NKAIN2: variants seen among roughly 807,000 people sequenced by gnomAD.
NKAIN2 encodes sodium/potassium-transporting ATPase subunit beta-1-interacting protein 2.
In NKAIN2, 14 loss-of-function variants were observed where a neutral mutation model predicts 32.6. The ratio of observed to expected loss-of-function variants is 0.43; its 90% CI spans 0.28 to 0.67. The LOEUF (loss-of-function observed/expected upper bound fraction) is 0.67, where lower values mean the gene tolerates loss of function less well. Among genes scored for constraint, NKAIN2 ranks in the 30% least tolerant of loss-of-function variants. The probability of loss-of-function intolerance (pLI) is 0.17; values close to 1 mark genes in which losing one functional copy is unlikely to be tolerated. For synonymous variants in NKAIN2, 80 were observed against 87.2 expected (o/e 0.92, Z 0.46); for missense variants, 198 against 258.3 (o/e 0.77, Z 1.60).
chr6:124,174,901 C>T (rs1358492072), intron 1 of NKAIN2, among the ~76,000 whole-genome samples: 2 of 152,112 alleles, frequency 1.3e-5, no homozygotes, highest in Non-Finnish European at 2.9e-5. Flanking sequence ...GTCCCTCTAG[C>T]TCCTTTTTGA....
intron 4 of NKAIN2, among the ~76,000 whole-genome samples, chr6:124,715,432 G>C (rs764092706): frequency 2.0e-5 from 3 of 152,144 alleles, no homozygotes; most frequent in Non-Finnish European, 4.4e-5. Flanking sequence ...TGTGGGGCTA[G>C]AACTAGACTT....
At chr6:124,219,049 A>C (rs910553524) in intron 1 of NKAIN2, among the ~76,000 whole-genome samples, 1 of 152,030 alleles carries the variant, frequency 6.6e-6, no homozygotes, top group Middle Eastern at 3.2e-3. Context: ...GACCACCTCC[A>C]TGATGCAATC....
chr6:123,864,979 G>A (rs1216872358), intron 1 of NKAIN2, among the ~76,000 whole-genome samples: 2 of 152,048 alleles, frequency 1.3e-5, no homozygotes, highest in Non-Finnish European at 2.9e-5. Context: ...ATAGTCATCT[G>A]TGCTCCAAGA....
In NKAIN2 at chr6:123,964,184, TTTTC is replaced by T. The variant is rs1777977269; in HGVS notation, c.54+159934_54+159937del. 6.6e-6 allele frequency among the ~76,000 whole-genome samples: 1 copy of T among 152,158 alleles called. No homozygotes were observed. The highest frequency in any genetic ancestry group is 2.1e-4 in the South Asian group (1 of 4,830). ...GTAGAAATTACCTACATCAATTTTGTTTTCTTTATTTATTTCAAGACTATCTCTC... is the reference window on the plus strand; with the variant it reads ...GTAGAAATTACCTACATCAATTTTGTTTTATTTATTTCAAGACTATCTCTC... On this transcript the variant is annotated intron_variant, in intron 1 of 6. Transcript: ENST00000368417. This position sits in a 1 kb window ranked among gnomAD's most constrained non-coding sequence, Gnocchi z 4.0.
chr6:124,221,861 G>A (rs1791848712), intron 1 of NKAIN2, among the ~76,000 whole-genome samples: 3 of 152,146 alleles, frequency 2.0e-5, no homozygotes, highest in African/African-American at 7.2e-5. Flanking sequence ...TTCAGAGTTA[G>A]GAAGAATGAG....
intron 1 of NKAIN2, among the ~76,000 whole-genome samples, chr6:123,824,287 A>G (rs1444853156): frequency 6.6e-6 from 1 of 152,114 alleles, no homozygotes; most frequent in Non-Finnish European, 1.5e-5. Flanking sequence ...TTTCACTGAA[A>G]CTGCCTTATT....
At chr6:124,678,278 T>C (rs988431877) in intron 4 of NKAIN2, among the ~76,000 whole-genome samples, 2 of 152,184 alleles carry the variant, frequency 1.3e-5, no homozygotes, top group African/African-American at 4.8e-5. Flanking sequence ...TTGGGGGCAC[T>C]ATTTTTTCAA....
At chr6:124,184,830 A>G (rs1442484143) in intron 1 of NKAIN2, among the ~76,000 whole-genome samples, 4 of 152,144 alleles carry the variant, frequency 2.6e-5, no homozygotes, top group Non-Finnish European at 5.9e-5. Context: ...TTACATGATC[A>G]TCTTGCATTT....
chr6:124,086,549 G>A lies in NKAIN2; in HGVS notation c.55-196456G>A, dbSNP rs1045482167. 5.3e-5 allele frequency among the ~76,000 whole-genome samples: 8 copies of A among 151,878 alleles called. No homozygotes were observed. In the South Asian group the frequency reaches 8.3e-4, roughly 16 times the overall value. ...GTTTGTAGACAGTAACTATTACCAA[G>A]TGTGTAACACAGTTTAAACTCAAAA... is the stretch of plus-strand genomic sequence containing the variant. On this transcript the variant is annotated intron_variant, in intron 1 of 6. Transcript: ENST00000368417.
At chr6:124,808,643 A>G (rs945755770) in intron 5 of NKAIN2, among the ~76,000 whole-genome samples, 6 of 152,218 alleles carry the variant, frequency 3.9e-5, no homozygotes, top group African/African-American at 9.6e-5. Flanking sequence ...GGGCAATTAG[A>G]CAGGAGAAGG....
chr6:123,843,243 C>G (rs1406815405), intron 1 of NKAIN2, among the ~76,000 whole-genome samples: 1 of 152,156 alleles, frequency 6.6e-6, no homozygotes, highest in African/African-American at 2.4e-5. Flanking sequence ...CAGGAAGAAT[C>G]AGGTCACACA....
chr6:124,064,916 C>G (rs1488685046), intron 1 of NKAIN2, among the ~76,000 whole-genome samples: 1 of 152,082 alleles, frequency 6.6e-6, no homozygotes, highest in African/African-American at 2.4e-5. Context: ...CTGGTTTCAA[C>G]CAATTAGTTG....
In NKAIN2 at chr6:124,598,778, A is replaced by G. The variant is rs73573322; in HGVS notation, c.274-59408A>G. Among the ~76,000 whole-genome samples the G allele has an allele frequency of 2.4e-3, 365 of 152,248 alleles. 1 individual carries two copies. The highest frequency in any genetic ancestry group is 8.4e-3 in the African/African-American group (349 of 41,550). On this transcript the variant is annotated intron_variant, in intron 3 of 6. Coordinates refer to ENST00000368417, the MANE Select transcript of NKAIN2 (RefSeq NM_001040214.3). ...AACTTCACAAGTTGATTATTAACAA[A>G]GCCATGGTTGGAACATAGCCTCCTA...
At chr6:123,938,435 TATATATATATATATATACAC>T (rs1457346603) in intron 1 of NKAIN2, among the ~76,000 whole-genome samples, 4 of 46,256 alleles carry the variant, frequency 8.6e-5, no homozygotes, top group Non-Finnish European at 1.5e-4. Context: ...TATATATATA[TATATATATATATATATACAC>T]ACACACACAC....
rs550330189 is a variant in NKAIN2 at position 124,108,999 on chromosome 6, T to C, written c.55-174006T>C. On this transcript the variant is annotated intron_variant, in intron 1 of 6. Coordinates refer to ENST00000368417, the MANE Select transcript of NKAIN2 (RefSeq NM_001040214.3). ...TATTTTGAAGTCTGAGGCCTCAAAA[T>C]TTATTTTTCTTTCTCAGGATTGATT... 1.8e-4 allele frequency among the ~76,000 whole-genome samples: 28 copies of C among 152,130 alleles called. No homozygotes were observed. In the East Asian group the frequency reaches 5.2e-3, roughly 28 times the overall value.
intron 4 of NKAIN2, among the ~76,000 whole-genome samples, chr6:124,768,621 G>A (rs982961562): frequency 5.3e-5 from 8 of 152,002 alleles, no homozygotes; most frequent in Non-Finnish European, 1.2e-4. Context: ...GCTACAAACA[G>A]ACATCAGTCA....
intron 3 of NKAIN2, among the ~76,000 whole-genome samples, chr6:124,448,286 C>T (rs1420995264): frequency 6.6e-6 from 1 of 152,098 alleles, no homozygotes; most frequent in Non-Finnish European, 1.5e-5. Context: ...TTTATCGTGG[C>T]ATGACCCTCA....
intron 3 of NKAIN2, among the ~76,000 whole-genome samples, chr6:124,607,231 A>G (rs984940668): frequency 2.0e-5 from 3 of 152,182 alleles, no homozygotes; most frequent in African/African-American, 7.2e-5. Context: ...TGATTTAACT[A>G]TATATTATTT....
chr6:124,650,911 G>C (rs1238847166), intron 3 of NKAIN2, among the ~76,000 whole-genome samples: 4 of 152,156 alleles, frequency 2.6e-5, no homozygotes, highest in Admixed American at 2.6e-4. Flanking sequence ...ATCAGATATG[G>C]ATGAGACTCA....
Sources: gnomAD v4.1 joint callset for allele counts (sites outside exome capture counted in the v4.1 genomes callset) on GRCh38, gnomAD v4.1.1 for gene constraint, Gnocchi (gnomAD v3.1) non-coding constraint, MANE v1.5 for transcripts, NCBI Gene and HGNC (gene_info 2026-07-23, HGNC 2026-07-21) for gene names.